Variants in TLCD4 observed in about 807,000 individuals in gnomAD.
The protein encoded by TLCD4 is TLC domain containing 4.
TLCD4 carries 7 observed loss-of-function variants against 24.2 expected under a neutral mutation model. The ratio of observed to expected loss-of-function variants is 0.29; its 90% CI spans 0.16 to 0.54. TLCD4 has a LOEUF of 0.54. TLCD4 is among the 20% of genes least tolerant of loss of function. The pLI, the probability that TLCD4 is intolerant of heterozygous loss-of-function variation, is 0.95. For missense variants in TLCD4, 259 were observed against 313.9 expected (o/e 0.82, Z 1.32); for synonymous variants, 103 against 106.4 (o/e 0.97, Z 0.20).
At chr1:95,180,455 C>T (rs1332195593) in intron 6 of TLCD4, among the ~76,000 whole-genome samples, 5 of 152,154 alleles carry the variant, frequency 3.3e-5, no homozygotes, top group Non-Finnish European at 7.3e-5. Context: ...CAGCTTCTGT[C>T]AGAGTTTCCA....
intron 6 of TLCD4, among the ~76,000 whole-genome samples, chr1:95,188,313 G>A (rs1174993391): frequency 1.3e-5 from 2 of 151,524 alleles, no homozygotes; most frequent in African/African-American, 2.4e-5. Flanking sequence ...GCGTGATCCC[G>A]GGAGGCGGAG....
intron 6 of TLCD4, among the ~76,000 whole-genome samples, chr1:95,176,241 G>A (rs975531105): frequency 1.3e-5 from 2 of 151,346 alleles, no homozygotes; most frequent in African/African-American, 2.4e-5. Context: ...GCCCAGTCTG[G>A]AGTACAGTGG....
chr1:95,139,313 A>G (rs1677134387), intron 1 of TLCD4, among the ~76,000 whole-genome samples: 2 of 151,746 alleles, frequency 1.3e-5, no homozygotes, highest in Non-Finnish European at 2.9e-5. Context: ...GAGGGCTAGG[A>G]CATTACTGAA....
At chr1:95,147,426 T>C (rs1245048573) in intron 2 of TLCD4, among the ~76,000 whole-genome samples, 1 of 152,200 alleles carries the variant, frequency 6.6e-6, no homozygotes, top group Non-Finnish European at 1.5e-5. Flanking sequence ...ATGAAAATTA[T>C]AGACTTGTAA....
At chr1:95,130,079 C>CT (rs1362447114) in intron 1 of TLCD4, among the ~76,000 whole-genome samples, 8 of 152,148 alleles carry the variant, frequency 5.3e-5, no homozygotes. Context: ...TATATACATT[C>CT]TTTTAGATGC....
At chr1:95,156,178 T>C (rs1198690101) in intron 5 of TLCD4, among the ~76,000 whole-genome samples, 1 of 128,696 alleles carries the variant, frequency 7.8e-6, no homozygotes, top group Non-Finnish European at 1.9e-5. Context: ...TGTATATTTA[T>C]GCCTTTTTGA....
In TLCD4 at chr1:95,152,909, G is replaced by A. The variant is rs559549038; in HGVS notation, c.399+1490G>A. 1.6e-4 allele frequency among the ~76,000 whole-genome samples: 25 copies of A among 152,122 alleles called. 2 individuals carry two copies. The South Asian group carries it at 5.0e-3, about 30-fold the overall frequency. On this transcript the variant is annotated intron_variant, in intron 5 of 6. Coordinates refer to ENST00000370203, the MANE Select transcript of TLCD4 (RefSeq NM_152487.3). ...TTTGTACACCCTTTCTGACTACATT[G>A]ATAGCCTTCACTTTTTGTGTATGTG...
chr1:95,136,039 GTT>G (rs58511423), intron 1 of TLCD4, among the ~76,000 whole-genome samples: 1 of 147,182 alleles, frequency 6.8e-6, no homozygotes, highest in South Asian at 2.2e-4. Context: ...AAGTTTTCAA[GTT>G]TTTTTTTTTT....
At chr1:95,134,313 A>G (rs1045718393) in intron 1 of TLCD4, among the ~76,000 whole-genome samples, 1 of 152,162 alleles carries the variant, frequency 6.6e-6, no homozygotes, top group Non-Finnish European at 1.5e-5. Flanking sequence ...AGAATATAAC[A>G]GTGAGGAAAG....
intron 5 of TLCD4, among the ~76,000 whole-genome samples, chr1:95,156,023 A>G (rs1037379295): frequency 3.3e-5 from 5 of 152,054 alleles, no homozygotes; most frequent in Non-Finnish European, 7.4e-5. Context: ...CTGAATATAG[A>G]TGTTGGTAAA....
chr1:95,110,333 T>C, the TLCD4 span, among the ~76,000 whole-genome samples: 2 of 152,046 alleles, frequency 1.3e-5, no homozygotes, highest in Non-Finnish European at 2.9e-5. Flanking sequence ...CCTCCAAATT[T>C]CCCTATTAAA....
chr1:95,097,741 A>G, the TLCD4 span, among the ~76,000 whole-genome samples: 747 of 146,000 alleles, frequency 5.1e-3, 4 homozygotes, highest in Non-Finnish European at 8.4e-3. Flanking sequence ...TAACTTTTAT[A>G]TATGTTCCAC....
chr1:95,108,838 T>C, the TLCD4 span, among the ~76,000 whole-genome samples: 1 of 152,196 alleles, frequency 6.6e-6, no homozygotes, highest in Admixed American at 6.5e-5. Flanking sequence ...ATCTATTCCA[T>C]TGGAAATCCC....
intron 1 of TLCD4, among the ~76,000 whole-genome samples, chr1:95,136,044 T>TA (rs1351981295): frequency 2.0e-5 from 3 of 151,972 alleles, no homozygotes; most frequent in Non-Finnish European, 4.4e-5. Context: ...TTCAAGTTTT[T>TA]TTTTTTTATT....
Position 95,151,391 on chromosome 1 carries a change from C to T in TLCD4, c.371C>T (p.Ala124Val), listed in dbSNP as rs373909644. The change falls in exon 5 of 7, where the codon GCG becomes GTG. Residue 124 changes from alanine (A) to valine (V), a missense_variant. Physicochemically the swap from Ala to Val is moderately conservative, Grantham distance 64 (BLOSUM62 0). Transcript: ENST00000370203. ...GDKFFIMHHC[A>V]SLYAYYLVLK... ...AAATTTTTTATAATGCATCATTGTG[C>T]GTCCCTGTATGCATACTACCTTGTA... 1.9e-6 allele frequency: 3 copies of T among 1,613,034 alleles called. No individual in the cohort carries two copies. Among genetic ancestry groups the T allele is most frequent in the African/African-American group, 1.3e-5 (1 of 74,862 alleles).
intron 6 of TLCD4, among the ~76,000 whole-genome samples, chr1:95,181,599 A>T (rs531303615): frequency 4.9e-4 from 73 of 149,508 alleles, no homozygotes; most frequent in African/African-American, 1.7e-3. Flanking sequence ...TTATTTATTT[A>T]TTTATTTTTT....
At chr1:95,121,217 C>T (rs1023330) in intron 1 of TLCD4, 45,506 of 152,054 alleles carry the variant, frequency 0.3, 8,002 homozygotes, top group Middle Eastern at 0.4. Flanking sequence ...GTAAGATTTT[C>T]GTCTGTACGC....
chr1:95,137,750 T>C (rs1677087977), intron 1 of TLCD4, among the ~76,000 whole-genome samples: 2 of 151,852 alleles, frequency 1.3e-5, no homozygotes. Context: ...TCTCTTTTTT[T>C]CTGAAACAGC....
chr1:95,181,776 C>G (rs144173026), intron 6 of TLCD4, among the ~76,000 whole-genome samples: 1 of 151,850 alleles, frequency 6.6e-6, no homozygotes, highest in Non-Finnish European at 1.5e-5. Flanking sequence ...TATGCCACCA[C>G]GCCCGGCTAA....
Sources: gnomAD v4.1 joint callset for allele counts (sites outside exome capture counted in the v4.1 genomes callset) on GRCh38, gnomAD v4.1.1 for gene constraint, MANE v1.5 for transcripts, NCBI Gene and HGNC (gene_info 2026-07-23, HGNC 2026-07-21) for gene names.